Variants in LRRTM4 observed in about 807,000 individuals in gnomAD.
The protein encoded by LRRTM4 is leucine-rich repeat transmembrane neuronal protein 4.
LRRTM4 carries 25 observed loss-of-function variants against 47.6 expected under a neutral mutation model. The observed-to-expected ratio is 0.53, with a 90% CI of 0.38 to 0.73. LRRTM4 has a LOEUF of 0.73. Ranked by LOEUF, LRRTM4 falls within the 30% of genes least tolerant of loss-of-function variation. The pLI is 0.00. For synonymous variants in LRRTM4, 311 were observed against 269.5 expected, an observed-to-expected ratio of 1.15 and a Z score of -1.51; for missense variants, 638 against 713.4, an observed-to-expected ratio of 0.89 and a Z score of 1.20.
At chr2:77,235,350 C>T (rs981197102) in intron 3 of LRRTM4, among the ~76,000 whole-genome samples, 8 of 151,936 alleles carry the variant, frequency 5.3e-5, no homozygotes, top group African/African-American at 1.9e-4. Flanking sequence ...AGTATCTGTT[C>T]ATTTCTCATG....
intron 3 of LRRTM4, among the ~76,000 whole-genome samples, chr2:76,844,508 T>C (rs1197759464): frequency 2.0e-5 from 3 of 152,214 alleles, no homozygotes; most frequent in Non-Finnish European, 4.4e-5. Flanking sequence ...TCATCTTTTC[T>C]GTTTTTCAAT....
intron 3 of LRRTM4, among the ~76,000 whole-genome samples, chr2:77,254,781 A>G (rs1675715796): frequency 6.6e-6 from 1 of 151,756 alleles, no homozygotes; most frequent in African/African-American, 2.4e-5. Flanking sequence ...ATTCTATACA[A>G]GGAGATATAC....
At chr2:77,023,202 G>C (rs1678334930) in intron 3 of LRRTM4, among the ~76,000 whole-genome samples, 1 of 152,214 alleles carries the variant, frequency 6.6e-6, no homozygotes, top group East Asian at 1.9e-4. Flanking sequence ...GCCAAGGCTG[G>C]AGTGGCTGAG....
intron 3 of LRRTM4, among the ~76,000 whole-genome samples, chr2:77,365,104 A>C (rs1672391203): frequency 6.6e-6 from 1 of 151,604 alleles, no homozygotes; most frequent in African/African-American, 2.4e-5. Context: ...AGGAAAAAAT[A>C]ATAAAAGAGT....
At chr2:77,516,915 T>C (rs1386858545) in intron 3 of LRRTM4, 5 of 984,578 alleles carry the variant, frequency 5.1e-6, no homozygotes, top group Non-Finnish European at 3.6e-6. Context: ...TTGGAGTATA[T>C]GCTATCAAAG....
intron 3 of LRRTM4, among the ~76,000 whole-genome samples, chr2:77,430,614 G>C (rs1351950859): frequency 6.7e-6 from 1 of 148,830 alleles, no homozygotes; most frequent in African/African-American, 2.6e-5. Context: ...CCAGCTACTT[G>C]GGAGGCTGAG....
At chr2:76,997,426 C>T (rs1327793807) in intron 3 of LRRTM4, among the ~76,000 whole-genome samples, 5 of 151,982 alleles carry the variant, frequency 3.3e-5, no homozygotes, top group African/African-American at 1.2e-4. Flanking sequence ...ATGACTCAGT[C>T]CTCCAGCTCA....
intron 3 of LRRTM4, among the ~76,000 whole-genome samples, chr2:77,219,316 G>A (rs1674551378): frequency 6.6e-6 from 1 of 152,072 alleles, no homozygotes; most frequent in Non-Finnish European, 1.5e-5. Flanking sequence ...GCCTATATAA[G>A]GGGTTTGTAC....
chr2:77,457,473 A>G (rs190071148), intron 3 of LRRTM4, among the ~76,000 whole-genome samples: 171 of 152,150 alleles, frequency 1.1e-3, no homozygotes, highest in African/African-American at 3.9e-3. Flanking sequence ...GAGAACTTCC[A>G]CACCAACATT....
intron 3 of LRRTM4, among the ~76,000 whole-genome samples, chr2:76,825,550 G>T (rs1295277959): frequency 6.6e-6 from 1 of 151,676 alleles, no homozygotes; most frequent in East Asian, 1.9e-4. Flanking sequence ...ATATCTGGGG[G>T]TGATAGCTAT....
chr2:77,412,409 T>C (rs1381972874), intron 3 of LRRTM4, among the ~76,000 whole-genome samples: 1 of 152,228 alleles, frequency 6.6e-6, no homozygotes, highest in Non-Finnish European at 1.5e-5. Flanking sequence ...TGTTCAGCCA[T>C]CTAGCAAATA....
At chr2:77,113,456 C>T (rs528310053) in intron 3 of LRRTM4, among the ~76,000 whole-genome samples, 1 of 152,256 alleles carries the variant, frequency 6.6e-6, no homozygotes, top group Admixed American at 6.5e-5. Context: ...GAGGTTCTAG[C>T]GTGACCGGAC....
chr2:77,082,199 A>C (rs1680555578), intron 3 of LRRTM4, among the ~76,000 whole-genome samples: 1 of 152,076 alleles, frequency 6.6e-6, no homozygotes, highest in South Asian at 2.1e-4. Context: ...GTAAAATTCC[A>C]GGAGTATTGA....
chr2:76,789,956 G>A (rs770021215), intron 3 of LRRTM4, among the ~76,000 whole-genome samples: 23 of 152,082 alleles, frequency 1.5e-4, no homozygotes, highest in Non-Finnish European at 2.5e-4. Context: ...CCAGGACAAC[G>A]GGTTGCTTGT....
intron 3 of LRRTM4, among the ~76,000 whole-genome samples, chr2:77,140,344 T>C (rs1275884403): frequency 2.0e-5 from 3 of 152,128 alleles, no homozygotes; most frequent in Non-Finnish European, 4.4e-5. Context: ...ATCTGATCTT[T>C]GACAAACCTG....
At chr2:76,792,204 A>ATAAT (rs1446817441) in intron 3 of LRRTM4, among the ~76,000 whole-genome samples, 1 of 152,134 alleles carries the variant, frequency 6.6e-6, no homozygotes, top group African/African-American at 2.4e-5. Flanking sequence ...TACCTGTAGT[A>ATAAT]TAATTATGTT....
At chr2:76,831,381 A>G (rs571857906) in intron 3 of LRRTM4, among the ~76,000 whole-genome samples, 5 of 152,146 alleles carry the variant, frequency 3.3e-5, no homozygotes, top group Admixed American at 3.3e-4. Context: ...ACATGTCTCC[A>G]TGGACATCAT....
chr2:76,869,750 G>T (rs1314636710), intron 3 of LRRTM4, among the ~76,000 whole-genome samples: 1 of 151,996 alleles, frequency 6.6e-6, no homozygotes, highest in Non-Finnish European at 1.5e-5. Flanking sequence ...TGTATTATAA[G>T]ATTTTAAGGG....
At chr2:77,328,901 C>G (rs1056800779) in intron 3 of LRRTM4, among the ~76,000 whole-genome samples, 1 of 152,152 alleles carries the variant, frequency 6.6e-6, no homozygotes, top group African/African-American at 2.4e-5. Context: ...TCTCTGAGAG[C>G]TATGTGAGGC....
Sources: gnomAD v4.1 joint callset for allele counts (sites outside exome capture counted in the v4.1 genomes callset) on GRCh38, gnomAD v4.1.1 for gene constraint, MANE v1.5 for transcripts, NCBI Gene and HGNC (gene_info 2026-07-23, HGNC 2026-07-21) for gene names.